Variants in LINGO2 observed in about 807,000 individuals in gnomAD.
LINGO2 encodes leucine rich repeat and Ig domain containing 2.
LINGO2 carries 14 observed loss-of-function variants against 30.6 expected under a neutral mutation model. That is an observed-to-expected ratio of 0.46 (90% confidence interval 0.30 to 0.72). The LOEUF is 0.72. Among genes scored for constraint, LINGO2 ranks in the 30% least tolerant of loss-of-function variants. The pLI, the probability that LINGO2 is intolerant of heterozygous loss-of-function variation, is 0.07. For synonymous variants in LINGO2, 317 were observed against 288.5 expected (o/e 1.10, Z -1.00); for missense variants, 729 against 751.7 (o/e 0.97, Z 0.35).
chr9:28,340,720 C>A (rs1277819783), intron 3 of LINGO2, among the ~76,000 whole-genome samples: 1 of 152,038 alleles, frequency 6.6e-6, no homozygotes, highest in Non-Finnish European at 1.5e-5. Flanking sequence ...GGAAAAAATA[C>A]TTCATGGAAT....
chr9:28,198,794 A>G (rs1228188966), intron 4 of LINGO2, among the ~76,000 whole-genome samples: 1 of 152,164 alleles, frequency 6.6e-6, no homozygotes, highest in Non-Finnish European at 1.5e-5. Flanking sequence ...AGTAAAGTTT[A>G]GGACAAGTTT....
chr9:28,189,301 AAGGG>A (rs1564028738), intron 4 of LINGO2, among the ~76,000 whole-genome samples: 5 of 12,712 alleles, frequency 3.9e-4, no homozygotes, highest in African/African-American at 1.3e-3. Flanking sequence ...GGAAGGAAGG[AAGGG>A]AGGAAGGAAG....
the LINGO2 span, among the ~76,000 whole-genome samples, chr9:28,759,405 G>A: frequency 5.3e-5 from 8 of 152,116 alleles, no homozygotes; most frequent in South Asian, 2.1e-4. Context: ...TGGTTTGGCC[G>A]GGTGCGGTGG....
the LINGO2 span, among the ~76,000 whole-genome samples, chr9:28,851,955 T>A: frequency 1.3e-5 from 2 of 151,852 alleles, no homozygotes; most frequent in Non-Finnish European, 2.9e-5. Context: ...ATACTAGTCC[T>A]CCTCTACTAG....
At chr9:28,182,672 G>C (rs960249252) in intron 4 of LINGO2, among the ~76,000 whole-genome samples, 2 of 152,070 alleles carry the variant, frequency 1.3e-5, no homozygotes, top group Non-Finnish European at 2.9e-5. Context: ...CTTCTCAAAA[G>C]AAGACATTTA....
the LINGO2 span, among the ~76,000 whole-genome samples, chr9:28,747,970 C>T: frequency 1.3e-5 from 2 of 152,184 alleles, no homozygotes; most frequent in Non-Finnish European, 2.9e-5. Context: ...TTCCATCCTT[C>T]ACATGTAATA....
the LINGO2 span, among the ~76,000 whole-genome samples, chr9:28,837,870 G>A: frequency 6.6e-6 from 1 of 150,832 alleles, no homozygotes; most frequent in Non-Finnish European, 1.5e-5. Context: ...TAAGCCCAGT[G>A]GAGAAGTGAA....
chr9:28,474,451 T>C (rs1825649153), intron 2 of LINGO2, among the ~76,000 whole-genome samples: 1 of 152,164 alleles, frequency 6.6e-6, no homozygotes, highest in Admixed American at 6.6e-5. Context: ...ATAACACATA[T>C]TGAATTTTTA....
chr9:28,498,374 A>T (rs977453106), intron 1 of LINGO2, among the ~76,000 whole-genome samples: 2 of 152,146 alleles, frequency 1.3e-5, no homozygotes, highest in African/African-American at 2.4e-5. Context: ...CCCCTCCGCT[A>T]GCCTCGCTGC....
At chr9:28,740,644 T>C in the LINGO2 span, among the ~76,000 whole-genome samples, 9 of 151,968 alleles carry the variant, frequency 5.9e-5, no homozygotes, top group Non-Finnish European at 5.9e-5. Context: ...CTAAATACTT[T>C]AATTATTTAA....
At chr9:29,211,227 A>G in the LINGO2 span, among the ~76,000 whole-genome samples, 1 of 152,164 alleles carries the variant, frequency 6.6e-6, no homozygotes, top group Non-Finnish European at 1.5e-5. Flanking sequence ...AAAAATACAT[A>G]CATTACCGGC....
chr9:28,434,362 G>C (rs983319441), intron 2 of LINGO2, among the ~76,000 whole-genome samples: 15 of 136,064 alleles, frequency 1.1e-4, no homozygotes, highest in South Asian at 2.5e-4. Flanking sequence ...AAAAAAAAAA[G>C]AGAGAAGAGT....
At chr9:28,599,161 T>C (rs1217993280) in intron 1 of LINGO2, 1 of 152,120 alleles carries the variant, frequency 6.6e-6, no homozygotes, top group Non-Finnish European at 1.5e-5. Flanking sequence ...CTGCCAGGGA[T>C]TTTTCTATGA....
At chr9:28,771,093 G>GAAACA in the LINGO2 span, among the ~76,000 whole-genome samples, 1 of 152,084 alleles carries the variant, frequency 6.6e-6, no homozygotes, top group Admixed American at 6.6e-5. Flanking sequence ...CTCTTAAAGG[G>GAAACA]AAACACTGTT....
At chr9:29,108,651 C>T in the LINGO2 span, among the ~76,000 whole-genome samples, 2 of 152,124 alleles carry the variant, frequency 1.3e-5, no homozygotes, top group East Asian at 1.9e-4. Flanking sequence ...TATCAGCTGA[C>T]AGGATAAGGT....
intron 5 of LINGO2, among the ~76,000 whole-genome samples, chr9:27,958,675 T>A (rs1027173425): frequency 3.9e-5 from 6 of 152,168 alleles, no homozygotes; most frequent in African/African-American, 1.4e-4. Context: ...CATAGGTGTG[T>A]ATACATAGGG....
chr9:28,830,879 C>G, the LINGO2 span, among the ~76,000 whole-genome samples: 823 of 151,368 alleles, frequency 5.4e-3, 9 homozygotes, highest in African/African-American at 0.02. Flanking sequence ...CACTTGCATG[C>G]GTGCGCACGC....
chr9:28,476,486 A>G (rs374337931), intron 1 of LINGO2, among the ~76,000 whole-genome samples: 8 of 152,034 alleles, frequency 5.3e-5, no homozygotes, highest in Admixed American at 1.3e-4. Context: ...CGTGTTAGCC[A>G]GGATGGTCTC....
At chr9:28,654,541 C>G (rs1469032432) in intron 1 of LINGO2, among the ~76,000 whole-genome samples, 1 of 151,884 alleles carries the variant, frequency 6.6e-6, no homozygotes, top group East Asian at 1.9e-4. Context: ...TGTAAATAAG[C>G]CGAATTTCTT....
Sources: allele counts gnomAD v4.1 joint callset (sites outside exome capture counted in the v4.1 genomes callset), GRCh38; gene constraint gnomAD v4.1.1; transcripts MANE v1.5; gene names NCBI Gene and HGNC (gene_info 2026-07-23, HGNC 2026-07-21).